TXNDC11: variants seen among roughly 807,000 people sequenced by gnomAD.
The protein encoded by TXNDC11 is thioredoxin domain containing 11.
Under a neutral mutation model 78.0 loss-of-function variants are expected in TXNDC11, and 68 were observed. That is an observed-to-expected ratio of 0.87 (90% CI 0.72 to 1.07). The LOEUF (loss-of-function observed/expected upper bound fraction) is 1.07. TXNDC11 is among the 50% of genes least tolerant of loss of function. The pLI, the probability that TXNDC11 is intolerant of heterozygous loss-of-function variation, is 0.00. For synonymous variants in TXNDC11, 571 were observed against 495.2 expected (o/e 1.15, Z -2.03); for missense variants, 1,389 against 1,221.8 (o/e 1.14, Z -2.04).
chr16:11,691,528 C>G lies in TXNDC11; in HGVS notation c.1662G>C (p.Glu554Asp). The G allele has an allele frequency of 6.2e-7, 1 of 1,614,142 alleles. No homozygotes were observed. The highest frequency in any genetic ancestry group is 8.5e-7 in the Non-Finnish European group (1 of 1,179,954). Residue 554 changes from glutamate (E) to aspartate (D), a missense_variant, in exon 8 of 12, where the codon GAG (glutamate) becomes GAC (aspartate). Transcript: ENST00000283033. ...DAPSSVPHIE[E>D]NRYLFPEVDM... ...CCACTTCTGGAAAGAGATACCTGTT[C>G]TCCTCAATGTGAGGAACGGAGCTTG...
In TXNDC11 at chr16:11,679,428, CGGCCAGCTCCTGCAGCTTGCG is replaced by C. The variant is rs749013734; in HGVS notation, c.2623_2643del (p.Arg875_Ala881del). On this transcript the variant is annotated inframe_deletion, in exon 12 of 12. Transcript: ENST00000283033. The surrounding 1 kb of genome is among the most constrained non-coding windows in gnomAD (Gnocchi z 4.6). ...TCGGTAAGGAGGTTTTCTGAGGCAT[CGGCCAGCTCCTGCAGCTTGCG>C]GGCCAGCTCCTGCAGCTCACGTGTC... The C allele has an allele frequency of 8.3e-5, 134 of 1,613,484 alleles. No homozygotes were observed. The highest frequency in any genetic ancestry group is 3.3e-4 in the East Asian group (15 of 44,892).
In TXNDC11 at chr16:11,691,442, T is replaced by C. The variant is rs755098630; in HGVS notation, c.1748A>G (p.Tyr583Cys). 4 of 1,614,058 alleles carry C rather than the reference T, an allele frequency of 2.5e-6. No homozygotes were observed. Among genetic ancestry groups the C allele is most frequent in the East Asian group, 2.2e-5 (1 of 44,880 alleles). ...SCRTNKTLNIYLLDSNLFWLY... is the reference protein window; with the variant it reads ...SCRTNKTLNICLLDSNLFWLY... ...CCAAAACAAATTTGAATCCAAAAGG[T>C]AGATGTTGAGAGTCTTGTTGGTTCT... The change falls in exon 8 of 12, where the codon TAC (tyrosine) becomes TGC (cysteine). Residue 583 changes from tyrosine (Y) to cysteine (C), a missense_variant. Transcript: ENST00000283033.
chr16:11,693,699 T>C (rs1177810312), intron 7 of TXNDC11, among the ~76,000 whole-genome samples: 1 of 152,220 alleles, frequency 6.6e-6, no homozygotes, highest in Non-Finnish European at 1.5e-5. Flanking sequence ...GAAGTCACTT[T>C]AGATGATAGG....
intron 8 of TXNDC11, among the ~76,000 whole-genome samples, chr16:11,688,898 GTT>G (rs1490121174): frequency 6.6e-6 from 1 of 152,078 alleles, no homozygotes; most frequent in African/African-American, 2.4e-5. Context: ...AGGAGCTACA[GTT>G]TTTTGTTTCC....
intron 11 of TXNDC11, among the ~76,000 whole-genome samples, chr16:11,683,199 T>C (rs1489405910): frequency 2.0e-5 from 3 of 152,186 alleles, no homozygotes; most frequent in African/African-American, 7.2e-5. Context: ...GCATCTACGT[T>C]TACTAACTGG....
intron 8 of TXNDC11, 154 bp downstream of exon 8, chr16:11,691,136 G>A: frequency 1.6e-6 from 1 of 642,966 alleles, no homozygotes; most frequent in Admixed American, 3.2e-5. Flanking sequence ...TAGCTTCTTT[G>A]AAAATTATGA....
Position 11,692,070 on chromosome 16 carries a change from C to T in TXNDC11, c.1120G>A (p.Ala374Thr). ...HPLIDEITEV[A>T]LEYNNCHGDQ... ...CCATGACAGTTGTTGTACTCCAAGG[C>T]CACTTCGGTGATCTGAAATACAGGG... Residue 374 changes from alanine (A) to threonine (T), a missense_variant, in exon 8 of 12, where the codon GCC (alanine) becomes ACC (threonine). Transcript: ENST00000283033. 6.6e-7 allele frequency: 1 copy of T among 1,523,912 alleles called. No individual in the cohort carries two copies. Among genetic ancestry groups the T allele is most frequent in the Non-Finnish European group, 8.8e-7 (1 of 1,136,998 alleles). 94.4% of individuals were successfully genotyped at this position (1,523,912 alleles called of 1,614,324 possible).
chr16:11,694,984 A>G (rs777352533), intron 7 of TXNDC11, among the ~76,000 whole-genome samples: 3 of 152,250 alleles, frequency 2.0e-5, no homozygotes, highest in Non-Finnish European at 2.9e-5. Flanking sequence ...TGTGAGCCTG[A>G]ACATGCTAAC....
At chr16:11,718,435 C>T (rs7203803) in intron 5 of TXNDC11, among the ~76,000 whole-genome samples, 81,486 of 152,026 alleles carry the variant, frequency 0.54, 22,290 homozygotes, top group Middle Eastern at 0.66. Context: ...CAGCCTTGAT[C>T]TGTACATACA....
At chr16:11,700,672 C>A in intron 5 of TXNDC11, 108 bp from the exon 6 acceptor site, 1 of 591,400 alleles carries the variant, frequency 1.7e-6, no homozygotes, top group Non-Finnish European at 3.0e-6. Flanking sequence ...TAAGCTCCTT[C>A]TGGTAACCTA....
intron 11 of TXNDC11, among the ~76,000 whole-genome samples, chr16:11,680,226 G>C (rs979892340): frequency 6.6e-6 from 1 of 151,600 alleles, no homozygotes; most frequent in African/African-American, 2.4e-5. Flanking sequence ...GGGGAGGCAG[G>C]AGTGTCCCAC....
At chr16:11,703,317 A>C (rs1275868234) in intron 5 of TXNDC11, among the ~76,000 whole-genome samples, 1 of 152,220 alleles carries the variant, frequency 6.6e-6, no homozygotes, top group African/African-American at 2.4e-5. Context: ...TGTGTTTCTT[A>C]AAGAGGTATA....
intron 5 of TXNDC11, among the ~76,000 whole-genome samples, chr16:11,707,649 A>G (rs1270269241): frequency 6.6e-6 from 1 of 151,344 alleles, no homozygotes; most frequent in Non-Finnish European, 1.5e-5. Flanking sequence ...GAGTTTCACC[A>G]TGTTGGCCAG....
At chr16:11,741,296 T>G (rs1352230555) in intron 1 of TXNDC11, among the ~76,000 whole-genome samples, 1 of 152,178 alleles carries the variant, frequency 6.6e-6, no homozygotes, top group Non-Finnish European at 1.5e-5. Flanking sequence ...TCTTATAAAC[T>G]GGAATCCCAA....
At chr16:11,733,859 T>C in intron 3 of TXNDC11, 123 bp downstream of exon 3, 1 of 682,588 alleles carries the variant, frequency 1.5e-6, no homozygotes, top group Non-Finnish European at 2.5e-6. Context: ...AATTTTTGCT[T>C]ATCTGTATTA....
At chr16:11,689,959 T>C (rs1360820665) in intron 8 of TXNDC11, 1 of 152,236 alleles carries the variant, frequency 6.6e-6, no homozygotes, top group Non-Finnish European at 1.5e-5. Flanking sequence ...TTATAATATG[T>C]AACTTGATAT....
At chr16:11,692,909 C>A (rs960987598) in intron 7 of TXNDC11, among the ~76,000 whole-genome samples, 4 of 152,088 alleles carry the variant, frequency 2.6e-5, no homozygotes, top group Non-Finnish European at 4.4e-5. Flanking sequence ...CTGGGGACAC[C>A]GGCTCCTCCA....
intron 11 of TXNDC11, among the ~76,000 whole-genome samples, chr16:11,682,966 G>A (rs143640125): frequency 1.3e-5 from 2 of 152,308 alleles, no homozygotes; most frequent in Non-Finnish European, 2.9e-5. Context: ...AGGGAGGCAG[G>A]AAATTAAAAC....
intron 11 of TXNDC11, among the ~76,000 whole-genome samples, chr16:11,681,049 G>A (rs899504371): frequency 6.6e-6 from 1 of 152,192 alleles, no homozygotes; most frequent in African/African-American, 2.4e-5. Context: ...GCACACACCT[G>A]TAGATCCAGC....
Sources: gnomAD v4.1 joint callset for allele counts (sites outside exome capture counted in the v4.1 genomes callset) on GRCh38, gnomAD v4.1.1 for gene constraint, Gnocchi (gnomAD v3.1) non-coding constraint, MANE v1.5 for transcripts, NCBI Gene and HGNC (gene_info 2026-07-23, HGNC 2026-07-21) for gene names.